Variants in TDRD7 observed in about 807,000 individuals in gnomAD.
TDRD7 encodes tudor domain containing 7.
Under a neutral mutation model 109.8 loss-of-function variants are expected in TDRD7, and 47 were observed. The ratio of observed to expected loss-of-function variants is 0.43; its 90% confidence interval spans 0.34 to 0.55. The LOEUF (loss-of-function observed/expected upper bound fraction) is 0.55. Ranked by LOEUF, TDRD7 falls within the 20% of genes least tolerant of loss-of-function variation. The pLI, the probability that TDRD7 is intolerant of heterozygous loss-of-function variation, is 0.03. For synonymous variants in TDRD7, 424 were observed against 457.3 expected (o/e 0.93, Z 0.93); for missense variants, 1,164 against 1,319.2 (o/e 0.88, Z 1.82).
intron 1 of TDRD7, among the ~76,000 whole-genome samples, 193 bp from the exon 2 acceptor site, chr9:97,428,267 G>A (rs1015559093): frequency 6.6e-6 from 1 of 152,114 alleles, no homozygotes; most frequent in Non-Finnish European, 1.5e-5. Flanking sequence ...CTGGTCTTGT[G>A]CCTTCTGACT....
chr9:97,449,946 C>T (rs1364183038), intron 6 of TDRD7, among the ~76,000 whole-genome samples: 1 of 152,204 alleles, frequency 6.6e-6, no homozygotes, highest in Admixed American at 6.5e-5. Context: ...AGTATTTCTG[C>T]TCCAAACTTA....
intron 13 of TDRD7, 124 bp downstream of exon 13, chr9:97,478,697 G>A (rs1829065443): frequency 2.9e-6 from 4 of 1,384,008 alleles, no homozygotes; most frequent in South Asian, 2.4e-5. Flanking sequence ...TTGTCCAAAT[G>A]TGGTTGTCTG....
chr9:97,447,571 A>G (rs1295218965), intron 6 of TDRD7, among the ~76,000 whole-genome samples: 1 of 152,222 alleles, frequency 6.6e-6, no homozygotes, highest in African/African-American at 2.4e-5. Flanking sequence ...GGGAAAAACA[A>G]AACTTTAACT....
chr9:97,486,722 G>T (rs956824827), intron 15 of TDRD7, among the ~76,000 whole-genome samples: 9 of 152,048 alleles, frequency 5.9e-5, no homozygotes, highest in African/African-American at 1.9e-4. Flanking sequence ...TTCTTCTCAA[G>T]CATTTCTTCA....
intron 6 of TDRD7, among the ~76,000 whole-genome samples, chr9:97,454,025 T>A (rs1828556337): frequency 6.6e-6 from 1 of 152,214 alleles, no homozygotes; most frequent in Non-Finnish European, 1.5e-5. Context: ...GGACTTGAAC[T>A]CAGCTCTGGA....
chr9:97,418,171 T>C (rs1827841593), intron 1 of TDRD7, among the ~76,000 whole-genome samples: 1 of 152,172 alleles, frequency 6.6e-6, no homozygotes, highest in Admixed American at 6.5e-5. Context: ...GTGTGTGGCA[T>C]AAGCTTTTCT....
At chr9:97,490,940 G>T (rs1409839094) in intron 16 of TDRD7, among the ~76,000 whole-genome samples, 3 of 108,618 alleles carry the variant, frequency 2.8e-5, no homozygotes, top group East Asian at 6.0e-4. Flanking sequence ...TTTTGAGACA[G>T]AGTCTTGCTC....
At chr9:97,491,935 C>A (rs191228512) in intron 16 of TDRD7, among the ~76,000 whole-genome samples, 71 of 152,308 alleles carry the variant, frequency 4.7e-4, no homozygotes, top group Admixed American at 2.2e-3. Context: ...AGACAGGGCC[C>A]TATAACTGGG....
intron 1 of TDRD7, among the ~76,000 whole-genome samples, chr9:97,423,681 A>G (rs1271425288): frequency 1.3e-5 from 2 of 152,090 alleles, no homozygotes; most frequent in African/African-American, 4.8e-5. Flanking sequence ...TAATACTTTT[A>G]CCGCATCCAG....
chr9:97,469,902 G>A (rs1315306567), intron 8 of TDRD7, among the ~76,000 whole-genome samples: 2 of 152,232 alleles, frequency 1.3e-5, no homozygotes, highest in East Asian at 3.9e-4. Flanking sequence ...AGCAGACTTA[G>A]GGCCTTTTGC....
intron 1 of TDRD7, among the ~76,000 whole-genome samples, chr9:97,414,445 A>G (rs1039652717): frequency 3.3e-5 from 5 of 152,246 alleles, no homozygotes; most frequent in Non-Finnish European, 5.9e-5. Context: ...AGTGAATCCA[A>G]GGAAAGTTGA....
intron 16 of TDRD7, 141 bp downstream of exon 16, chr9:97,487,473 A>G (rs1829230880): frequency 3.0e-6 from 3 of 997,030 alleles, no homozygotes; most frequent in Non-Finnish European, 4.7e-6. Flanking sequence ...TAATATTGCA[A>G]CCATAATGGA....
At chr9:97,493,115 A>G (rs1285923901) in intron 16 of TDRD7, among the ~76,000 whole-genome samples, 2 of 152,208 alleles carry the variant, frequency 1.3e-5, no homozygotes, top group Non-Finnish European at 2.9e-5. Flanking sequence ...AGGATTCTCC[A>G]GGGACCTTGG....
intron 4 of TDRD7, among the ~76,000 whole-genome samples, chr9:97,432,444 CA>C (rs1156265207): frequency 6.6e-6 from 1 of 152,196 alleles, no homozygotes; most frequent in Non-Finnish European, 1.5e-5. Flanking sequence ...TCTGTATTGT[CA>C]ATCTCTCCTT....
intron 7 of TDRD7, among the ~76,000 whole-genome samples, chr9:97,463,077 C>T (rs1032996273): frequency 6.6e-6 from 1 of 152,240 alleles, no homozygotes; most frequent in Non-Finnish European, 1.5e-5. Flanking sequence ...AAGAGTGCAA[C>T]TGCATTCAAG....
intron 16 of TDRD7, among the ~76,000 whole-genome samples, chr9:97,491,637 T>C (rs1280933321): frequency 6.6e-6 from 1 of 152,188 alleles, no homozygotes; most frequent in Non-Finnish European, 1.5e-5. Context: ...CCAGTGCTTC[T>C]TGGGGTCTTT....
In TDRD7 at chr9:97,412,573, T is replaced by C. The variant is rs1007224858; in HGVS notation, c.-7+335T>C. ...CCGTGGGGGAAATGCAGCAGCGGGG[T>C]GTGGACGCGGGCGGGAGATGCGGAC... On this transcript the variant is annotated intron_variant, in intron 1 of 16. Transcript: ENST00000355295. This position sits in a 1 kb window ranked among gnomAD's most constrained non-coding sequence, Gnocchi z 4.3. Among the ~76,000 whole-genome samples, 3 of 151,842 alleles carry C rather than the reference T, an allele frequency of 2.0e-5. No homozygotes were observed. In the East Asian group the frequency reaches 5.8e-4, roughly 29 times the overall value.
chr9:97,469,965 G>T (rs943510268), intron 8 of TDRD7, among the ~76,000 whole-genome samples: 3 of 151,984 alleles, frequency 2.0e-5, no homozygotes, highest in East Asian at 1.9e-4. Context: ...AAATAGGTAC[G>T]CCTGTTTTTT....
chr9:97,466,116 G>A (rs924571596), intron 8 of TDRD7, among the ~76,000 whole-genome samples: 3 of 152,140 alleles, frequency 2.0e-5, no homozygotes, highest in Admixed American at 1.3e-4. Context: ...ACTATCAGCC[G>A]CCAGCCAGTA....
Sources: gnomAD v4.1 joint callset for allele counts (sites outside exome capture counted in the v4.1 genomes callset) on GRCh38, gnomAD v4.1.1 for gene constraint, Gnocchi (gnomAD v3.1) non-coding constraint, MANE v1.5 for transcripts, NCBI Gene and HGNC (gene_info 2026-07-23, HGNC 2026-07-21) for gene names.